The following RB1 variants were observed in gnomAD, a reference collection of about 807,000 sequenced individuals.
RB1 encodes the protein RB transcriptional corepressor 1, also known as retinoblastoma-associated protein.
In RB1, 18 loss-of-function variants were observed where a neutral mutation model predicts 135.4. That is an observed-to-expected ratio of 0.13 (90% CI 0.09 to 0.20). The LOEUF (loss-of-function observed/expected upper bound fraction) is 0.20. RB1 is among the 10% of genes least tolerant of loss of function. The pLI is 1.00. For missense variants in RB1, 868 were observed against 1,110.0 expected (o/e 0.78, Z 3.10); for synonymous variants, 365 against 373.2 (o/e 0.98, Z 0.25).
chr13:48,444,715 T>G lies in RB1; in HGVS notation c.1696-8278T>G, dbSNP rs992175013. 7 of 152,188 alleles carry G rather than the reference T, an allele frequency of 4.6e-5. No homozygotes were observed. The East Asian group carries it at 7.7e-4, about 17-fold the overall frequency. The allele number at this position is 152,188 out of a possible 1,614,324, so 9.4% of individuals were successfully genotyped here. On this transcript the variant is annotated intron_variant, in intron 17 of 26. Transcript: ENST00000267163. ...AGCTCTCCTAATCCAGTTTTTATGA[T>G]GTCAGCATTGGGATTTTTATGATGT...
At chr13:48,400,207 A>G (rs1208592376) in intron 17 of RB1, among the ~76,000 whole-genome samples, 1 of 152,138 alleles carries the variant, frequency 6.6e-6, no homozygotes, top group Non-Finnish European at 1.5e-5. Flanking sequence ...TCAGTGTAGA[A>G]GTAATAATAG....
At chr13:48,476,279 A>T (rs1949503618) in intron 24 of RB1, 1 of 202,824 alleles carries the variant, frequency 4.9e-6, no homozygotes, top group South Asian at 8.6e-5. Context: ...ATCATCTCTT[A>T]TCAAATTCTT....
chr13:48,382,461 T>G (rs926087368), intron 17 of RB1, among the ~76,000 whole-genome samples: 16 of 152,336 alleles, frequency 1.1e-4, no homozygotes, highest in African/African-American at 3.6e-4. Context: ...ATGATGAGCA[T>G]TTTTTCATGT....
intron 17 of RB1, among the ~76,000 whole-genome samples, chr13:48,446,107 G>T (rs1183832496): frequency 6.6e-6 from 1 of 152,086 alleles, no homozygotes; most frequent in Non-Finnish European, 1.5e-5. Context: ...ATAGGTGCGT[G>T]CCACCATGCC....
chr13:48,337,462 T>A (rs1342030466), intron 2 of RB1, among the ~76,000 whole-genome samples: 1 of 152,254 alleles, frequency 6.6e-6, no homozygotes, highest in Non-Finnish European at 1.5e-5. Context: ...TTGATCTTTG[T>A]TGGTTTAACG....
chr13:48,368,487 A>C (rs776789078), intron 10 of RB1, 40 bp from the exon 11 acceptor site: 2 of 1,610,962 alleles, frequency 1.2e-6, no homozygotes, highest in Non-Finnish European at 1.7e-6. Flanking sequence ...ACAAATTGTA[A>C]ATTTTCAGTA....
chr13:48,385,745 C>A (rs988409865), intron 17 of RB1, among the ~76,000 whole-genome samples: 11 of 152,164 alleles, frequency 7.2e-5, no homozygotes, highest in Admixed American at 2.0e-4. Flanking sequence ...ATAAACAGAA[C>A]AGTTCAAGTT....
chr13:48,358,955 T>A (rs1397085782), intron 6 of RB1, among the ~76,000 whole-genome samples: 1 of 152,120 alleles, frequency 6.6e-6, no homozygotes, highest in Non-Finnish European at 1.5e-5. Context: ...TGCAGACATA[T>A]TTTTTGCACC....
At chr13:48,333,134 A>G (rs1213335240) in intron 2 of RB1, 1 of 397,874 alleles carries the variant, frequency 2.5e-6, no homozygotes, top group Non-Finnish European at 4.4e-6. Flanking sequence ...AGATGTATCA[A>G]AATATCACAT....
At chr13:48,361,022 A>T (rs1952634148) in intron 7 of RB1, among the ~76,000 whole-genome samples, 1 of 152,130 alleles carries the variant, frequency 6.6e-6, no homozygotes, top group African/African-American at 2.4e-5. Flanking sequence ...AGATGTGTTG[A>T]ACATGGTTTG....
chr13:48,436,710 A>C (rs1261741692), intron 17 of RB1, among the ~76,000 whole-genome samples: 1 of 152,162 alleles, frequency 6.6e-6, no homozygotes, highest in Non-Finnish European at 1.5e-5. Flanking sequence ...CAGAAATATT[A>C]GTATTAAAGG....
intron 17 of RB1, among the ~76,000 whole-genome samples, chr13:48,388,701 A>G (rs556366034): frequency 5.9e-4 from 90 of 152,322 alleles, no homozygotes; most frequent in Non-Finnish European, 1.0e-3. Flanking sequence ...AAGGGATAAG[A>G]TCACTTAAGG....
At chr13:48,423,448 A>T (rs1485302879) in intron 17 of RB1, among the ~76,000 whole-genome samples, 2 of 152,196 alleles carry the variant, frequency 1.3e-5, no homozygotes, top group Non-Finnish European at 2.9e-5. Context: ...TTTTTGAAAC[A>T]GGTTGCACAA....
intron 2 of RB1, among the ~76,000 whole-genome samples, chr13:48,326,633 G>A (rs112226810): frequency 2.0e-5 from 3 of 152,094 alleles, no homozygotes; most frequent in African/African-American, 7.2e-5. Flanking sequence ...TGTTTTACCT[G>A]GGGCTTATTC....
intron 20 of RB1, among the ~76,000 whole-genome samples, chr13:48,462,175 G>A (rs1172312665): frequency 1.3e-5 from 2 of 151,426 alleles, no homozygotes; most frequent in African/African-American, 4.9e-5. Flanking sequence ...CCAGGCTGGA[G>A]TGCAGTGACA....
chr13:48,434,166 G>A (rs1289367592), intron 17 of RB1, among the ~76,000 whole-genome samples: 1 of 151,876 alleles, frequency 6.6e-6, no homozygotes. Context: ...TCTTCAATGA[G>A]CCAGGCCTGG....
At position 48,303,844 on chromosome 13, in the gene RB1, G is replaced by C. The variant is rs753117180; in HGVS notation, c.-69G>C. On this transcript the variant is annotated 5_prime_UTR_variant, in exon 1 of 27. Transcript: ENST00000267163. ...GTCGGGAGAGGACGGGGCGTGCCCCGACGTGCGCGCGCGTCGTCCTCCCCG... is the reference window on the plus strand; with the variant it reads ...GTCGGGAGAGGACGGGGCGTGCCCCCACGTGCGCGCGCGTCGTCCTCCCCG... The C allele has an allele frequency of 3.4e-4, 512 of 1,495,328 alleles. 5 individuals are homozygous for C. The South Asian group carries it at 3.6e-3, about 10-fold the overall frequency. The allele number at this position is 1,495,328 out of a possible 1,614,324, so 92.6% of individuals were successfully genotyped here.
At position 48,362,972 on chromosome 13, in the gene RB1, T is replaced by A. The variant is rs948536941; in HGVS notation, c.861+15T>A. On this transcript the variant is annotated intron_variant, in intron 8 of 26. Coordinates refer to ENST00000267163, the MANE Select transcript of RB1 (RefSeq NM_000321.3). ...ATATAGATGAGGTAATTTAACTTCA[T>A]GATTTCTTTAAAACAGTTAAAGTAG... is the stretch of plus-strand genomic sequence containing the variant. The A allele has an allele frequency of 1.9e-6, 3 of 1,609,212 alleles. No homozygotes were observed. Among genetic ancestry groups the A allele is most frequent in the Non-Finnish European group, 2.6e-6 (3 of 1,175,736 alleles).
chr13:48,318,092 G>T, intron 2 of RB1: 1 of 537,050 alleles, frequency 1.9e-6, no homozygotes, highest in Non-Finnish European at 3.4e-6. Flanking sequence ...CGGAGGCAGA[G>T]GCGCATCCCC....
Sources: allele counts gnomAD v4.1 joint callset (sites outside exome capture counted in the v4.1 genomes callset), GRCh38; gene constraint gnomAD v4.1.1; transcripts MANE v1.5; gene names NCBI Gene and HGNC (gene_info 2026-07-23, HGNC 2026-07-21).